The following PHF12 variants were observed in gnomAD, a reference collection of about 807,000 sequenced individuals.
PHF12 encodes PHD finger protein 12.
PHF12 carries 6 observed loss-of-function variants against 99.8 expected under a neutral mutation model. That is an observed-to-expected ratio of 0.06 (90% confidence interval 0.03 to 0.12). PHF12 has a LOEUF of 0.12. PHF12 is among the 10% of genes least tolerant of loss of function. The probability of loss-of-function intolerance (pLI) is 1.00; values close to 1 mark genes in which losing one functional copy is unlikely to be tolerated. For synonymous variants in PHF12, 480 were observed against 514.9 expected (o/e 0.93, Z 0.92); for missense variants, 954 against 1,300.1 (o/e 0.73, Z 4.09).
intron 12 of PHF12, chr17:28,908,557 T>A: frequency 1.9e-6 from 1 of 537,678 alleles, no homozygotes; most frequent in Non-Finnish European, 3.3e-6. Context: ...TGGGCTCAAG[T>A]GTTCCTCCTG....
rs983845461 is a variant in PHF12, at chr17:28,949,311, G to A, written c.248+754C>T. Among the ~76,000 whole-genome samples, 1 of 152,212 alleles carries A rather than the reference G, an allele frequency of 6.6e-6. No individual in the cohort carries two copies. Among genetic ancestry groups the A allele is most frequent in the Non-Finnish European group, 1.5e-5 (1 of 68,000 alleles). On this transcript the variant is annotated intron_variant, in intron 2 of 14. Transcript: ENST00000332830. The surrounding 1 kb of genome is among the most constrained non-coding windows in gnomAD (Gnocchi z 4.6). ...GAGGCAGCGGCGCCGGGAGGGAGGAGGGAAGAGGGAGGAGGAAGGAAGGCA... is the reference window on the plus strand; with the variant it reads ...GAGGCAGCGGCGCCGGGAGGGAGGAAGGAAGAGGGAGGAGGAAGGAAGGCA...
At chr17:28,924,388 C>G (rs768193014) in intron 3 of PHF12, 86 bp from the exon 4 acceptor site, 1 of 1,589,554 alleles carries the variant, frequency 6.3e-7, no homozygotes, top group East Asian at 2.2e-5. Flanking sequence ...GACCACTAAT[C>G]AAAACTGTAA....
chr17:28,947,585 A>C (rs957225364), intron 2 of PHF12, among the ~76,000 whole-genome samples: 4 of 152,280 alleles, frequency 2.6e-5, no homozygotes, highest in East Asian at 1.9e-4. Flanking sequence ...GTCTCAGAAA[A>C]AAACAAACAA....
chr17:28,913,006 C>T lies in PHF12; in HGVS notation c.1565G>A (p.Cys522Tyr). 4.3e-6 allele frequency: 7 copies of T among 1,614,198 alleles called. No homozygotes were observed. Among genetic ancestry groups the T allele is most frequent in the Non-Finnish European group, 5.1e-6 (6 of 1,180,022 alleles). The change falls in exon 9 of 15, where the codon TGC becomes TAC. Residue 522 changes from cysteine to tyrosine, a missense_variant. By Grantham distance (194) the Cys-to-Tyr change is radical (BLOSUM62 -2). Transcript: ENST00000332830. ...CTTGGATTTTTCCGCACAAGAACTGCAGCCGATGTCCTCTAGGGCTGGGGA... is the reference window on the plus strand; with the variant it reads ...CTTGGATTTTTCCGCACAAGAACTGTAGCCGATGTCCTCTAGGGCTGGGGA... Reference protein sequence around the residue: ...HQSPALEDIGCSSCAEKSKKT... With the variant: ...HQSPALEDIGYSSCAEKSKKT...
chr17:28,941,034 AC>A (rs1032266967), intron 2 of PHF12, among the ~76,000 whole-genome samples: 2 of 144,820 alleles, frequency 1.4e-5, no homozygotes, highest in African/African-American at 5.3e-5. Flanking sequence ...AGGGGGGAAA[AC>A]AGACTTTTTT....
rs926499346 is a variant in PHF12 at position 28,912,552 on chromosome 17, C to T, written c.2019G>A (p.Pro673=). The T allele has an allele frequency of 6.2e-6, 10 of 1,613,708 alleles. No individual in the cohort carries two copies. The highest frequency in any genetic ancestry group is 1.1e-5 in the South Asian group (1 of 91,056). ...CCAAGATACCATCTCCTGCTGCTTG[C>T]GGGGGAGTGAGCACCCGGGTGGCGT... is the stretch of plus-strand genomic sequence containing the variant. ...PPNATRVLTP[P]QAAGDGILAT... is the part of the protein sequence containing the mutation. The change falls in exon 9 of 15, where the codon CCG becomes CCA. Residue 673 remains proline, a synonymous_variant. Coordinates refer to ENST00000332830, the MANE Select transcript of PHF12 (RefSeq NM_001033561.2).
chr17:28,906,890 TG>T lies in PHF12; in HGVS notation c.2645del (p.Pro882GlnfsTer30), dbSNP rs767725558. 6.2e-7 allele frequency: 1 copy of T among 1,611,536 alleles called. No homozygotes were observed. The highest frequency in any genetic ancestry group is 8.5e-7 in the Non-Finnish European group (1 of 1,178,822). On this transcript the variant is annotated frameshift_variant, in exon 14 of 15. Transcript: ENST00000332830. LOFTEE classifies it high-confidence loss of function. The surrounding 1 kb of genome is among the most constrained non-coding windows in gnomAD (Gnocchi z 4.2). ...DFSEKTPPTPPSSIVAKVQSV... is the reference protein window; with the variant it reads ...DFSEKTPPTPXSSIVAKVQSV... ...TCTGCACTTTGGCAACAATACTGCT[TG>T]GGGGGGTTGGCGGGGTCTTCTCCGA...
chr17:28,935,514 C>T (rs535321856), intron 2 of PHF12, among the ~76,000 whole-genome samples: 14 of 152,252 alleles, frequency 9.2e-5, no homozygotes, highest in South Asian at 2.1e-4. Context: ...TCAAGTGATC[C>T]GCCCTCCTCA....
chr17:28,931,256 C>CTTT, intron 2 of PHF12, among the ~76,000 whole-genome samples: 1 of 127,546 alleles, frequency 7.8e-6, no homozygotes, highest in Non-Finnish European at 1.7e-5. Flanking sequence ...GCCATCATTC[C>CTTT]TTTTTTTTTT....
intron 2 of PHF12, among the ~76,000 whole-genome samples, chr17:28,943,858 G>A (rs1302070522): frequency 6.6e-6 from 1 of 152,214 alleles, no homozygotes; most frequent in East Asian, 1.9e-4. Flanking sequence ...ACCTTGGAAA[G>A]ATTCACTGAG....
intron 7 of PHF12, among the ~76,000 whole-genome samples, chr17:28,916,589 A>G (rs2040066522): frequency 6.6e-6 from 1 of 152,210 alleles, no homozygotes; most frequent in South Asian, 2.1e-4. Flanking sequence ...GATCATTTCA[A>G]AAGAGAAAAA....
rs1199355322 is a variant in PHF12, at chr17:28,911,164, A to C, written c.2163T>G (p.Thr721=). 8 of 1,614,212 alleles carry C rather than the reference A, an allele frequency of 5.0e-6. No individual in the cohort carries two copies. Among genetic ancestry groups the C allele is most frequent in the African/African-American group, 1.3e-5 (1 of 75,050 alleles). Residue 721 remains threonine, a synonymous_variant, in exon 10 of 15, where the codon ACT becomes ACG. Coordinates refer to ENST00000332830, the MANE Select transcript of PHF12 (RefSeq NM_001033561.2). ...GTGAGTTGGTGAGGTCCACCATGGC[A>C]GTAGAGTTGGCTGGGAAAGAGGGTA... ...LTVPSFPANS[T]AMVDLTNSLR... is the part of the protein sequence containing the mutation.
rs140286452 is a variant in PHF12, at chr17:28,944,383, A to C, written c.248+5682T>G. ...TACACAAAAACTGTAATCTTTCAAG[A>C]GTATAACCTCCTTTTCCACTTTAAA... On this transcript the variant is annotated intron_variant, in intron 2 of 14. Transcript: ENST00000332830. The C allele has an allele frequency of 3.8e-3, 2,585 of 671,688 alleles. 7 individuals carry two copies. Among genetic ancestry groups the C allele is most frequent in the Non-Finnish European group, 4.4e-3 (2,376 of 543,826 alleles). 41.6% of individuals were successfully genotyped at this position (671,688 alleles called of 1,614,324 possible).
chr17:28,909,799 C>G, intron 11 of PHF12: 1 of 497,752 alleles, frequency 2.0e-6, no homozygotes, highest in Non-Finnish European at 3.6e-6. Flanking sequence ...CTGTGTTGCC[C>G]AGGCTGGTCT....
chr17:28,935,234 C>T (rs746987811), intron 2 of PHF12, among the ~76,000 whole-genome samples: 11 of 152,110 alleles, frequency 7.2e-5, no homozygotes, highest in African/African-American at 1.4e-4. Context: ...AGAAAGCGAC[C>T]GTTCACTGCT....
chr17:28,934,005 C>T (rs76597644), intron 2 of PHF12, among the ~76,000 whole-genome samples: 2 of 152,074 alleles, frequency 1.3e-5, no homozygotes, highest in African/African-American at 4.8e-5. Flanking sequence ...CATGTCCACA[C>T]GACTACACCC....
rs2040782428 is a variant in PHF12 at position 28,950,112 on chromosome 17, A to G, written c.201T>C (p.Asp67=). The G allele has an allele frequency of 1.2e-6, 2 of 1,613,848 alleles. No individual in the cohort carries two copies. The highest frequency in any genetic ancestry group is 1.7e-6 in the Non-Finnish European group (2 of 1,179,956). ...DSCDSCKEGG[D]LLCCDHCPAA... is the part of the protein sequence containing the mutation. ...CCGGGCAGTGGTCGCAGCACAGGAG[A>G]TCTCCACCTTCCTTGCAGCTATCGC... is the stretch of plus-strand genomic sequence containing the variant. Residue 67 remains aspartate, a synonymous_variant, in exon 2 of 15, where the codon GAT becomes GAC. Coordinates refer to ENST00000332830, the MANE Select transcript of PHF12 (RefSeq NM_001033561.2). This position sits in a 1 kb window ranked among gnomAD's most constrained non-coding sequence, Gnocchi z 5.7.
At chr17:28,938,285 C>G (rs781659877) in intron 2 of PHF12, among the ~76,000 whole-genome samples, 47 of 152,128 alleles carry the variant, frequency 3.1e-4, no homozygotes, top group South Asian at 6.2e-4. Context: ...GGTTGGAGTG[C>G]AATGGCACCA....
chr17:28,937,897 G>C (rs1360126592), intron 2 of PHF12, among the ~76,000 whole-genome samples: 1 of 152,136 alleles, frequency 6.6e-6, no homozygotes, highest in Non-Finnish European at 1.5e-5. Context: ...TGATGCTAGA[G>C]CCCACCTGTT....
Sources: gnomAD v4.1 joint callset for allele counts (sites outside exome capture counted in the v4.1 genomes callset) on GRCh38, gnomAD v4.1.1 for gene constraint, Gnocchi (gnomAD v3.1) non-coding constraint, MANE v1.5 for transcripts, NCBI Gene and HGNC (gene_info 2026-07-23, HGNC 2026-07-21) for gene names.